LYPD6: variants seen among roughly 807,000 people sequenced by gnomAD.
The protein encoded by LYPD6 is LY6/PLAUR domain containing 6, also known as ly6/PLAUR domain-containing protein 6.
LYPD6 carries 15 observed loss-of-function variants against 22.7 expected under a neutral mutation model. That is an observed-to-expected ratio of 0.66 (90% CI 0.44 to 1.02). The LOEUF (loss-of-function observed/expected upper bound fraction) is 1.02, where lower values mean the gene tolerates loss of function less well. LYPD6 is among the 50% of genes least tolerant of loss of function. The pLI is 0.00. For missense variants in LYPD6, 189 were observed against 208.4 expected (o/e 0.91, Z 0.57); for synonymous variants, 72 against 77.5 (o/e 0.93, Z 0.37).
chr2:149,468,759 A>G lies in LYPD6; in HGVS notation c.332A>G (p.Glu111Gly). 1.2e-6 allele frequency: 2 copies of G among 1,613,530 alleles called. No homozygotes were observed. Among genetic ancestry groups the G allele is most frequent in the South Asian group, 1.1e-5 (1 of 91,076 alleles). ...ECLSTGCRDS[E>G]HEGHKVCTSC... ...TTATCCACTGGCTGCAGAGACTCCG[A>G]GCATGAAGGCCACAAGGTCTGGGCA... Residue 111 changes from glutamate to glycine, a missense_variant, in exon 4 of 5, where the codon GAG (glutamate) becomes GGG (glycine). Coordinates refer to ENST00000334166, the MANE Select transcript of LYPD6 (RefSeq NM_194317.5).
intron 1 of LYPD6, among the ~76,000 whole-genome samples, chr2:149,411,779 C>T (rs1350377690): frequency 6.6e-6 from 1 of 152,116 alleles, no homozygotes; most frequent in Admixed American, 6.5e-5. Context: ...AGTTTAAAAC[C>T]TCCCTCACTC....
chr2:149,333,688 C>T (rs1313940018), intron 1 of LYPD6, among the ~76,000 whole-genome samples: 4 of 152,156 alleles, frequency 2.6e-5, no homozygotes, highest in Admixed American at 1.3e-4. Flanking sequence ...TGAAGTTTAC[C>T]GTCTGGTGCC....
At chr2:149,364,130 A>C (rs1451427964) in intron 1 of LYPD6, among the ~76,000 whole-genome samples, 1 of 152,146 alleles carries the variant, frequency 6.6e-6, no homozygotes, top group Non-Finnish European at 1.5e-5. Context: ...GTGAACAGTT[A>C]ATCTCTTGAG....
chr2:149,448,494 C>T (rs1220815165), intron 2 of LYPD6, among the ~76,000 whole-genome samples: 1 of 152,102 alleles, frequency 6.6e-6, no homozygotes, highest in Non-Finnish European at 1.5e-5. Context: ...TTCAGTAACA[C>T]AAGGGTTCCT....
intron 2 of LYPD6, among the ~76,000 whole-genome samples, chr2:149,444,039 T>C (rs1043764420): frequency 6.7e-6 from 1 of 149,746 alleles, no homozygotes; most frequent in African/African-American, 2.5e-5. Flanking sequence ...GCTCAAGCGA[T>C]CCTCCCACCT....
At chr2:149,372,629 G>T (rs916349042) in intron 1 of LYPD6, among the ~76,000 whole-genome samples, 27 of 152,184 alleles carry the variant, frequency 1.8e-4, no homozygotes, top group Admixed American at 9.8e-4. Context: ...AGCATTCAAA[G>T]AATTTGGTTT....
chr2:149,402,242 G>T (rs970325120), intron 1 of LYPD6, among the ~76,000 whole-genome samples: 15 of 151,900 alleles, frequency 9.9e-5, no homozygotes, highest in Non-Finnish European at 1.9e-4. Context: ...GCGTGTGTGT[G>T]TGTGTGTGTG....
At chr2:149,347,410 G>T (rs1288759220) in intron 1 of LYPD6, among the ~76,000 whole-genome samples, 1 of 152,056 alleles carries the variant, frequency 6.6e-6, no homozygotes, top group East Asian at 1.9e-4. Flanking sequence ...CAGGGAACAG[G>T]CTCCTCATCT....
At chr2:149,475,005 G>A (rs1032197548), downstream of LYPD6, among the ~76,000 whole-genome samples, 2 of 152,098 alleles carry the variant, frequency 1.3e-5, no homozygotes, top group African/African-American at 2.4e-5. Context: ...CTGACCTCAC[G>A]ATCCACCCGC....
At chr2:149,458,405 C>T (rs750269701) in intron 3 of LYPD6, among the ~76,000 whole-genome samples, 4 of 152,112 alleles carry the variant, frequency 2.6e-5, no homozygotes, top group South Asian at 2.1e-4. Context: ...ATTGAGGCTA[C>T]AACACATCTC....
chr2:149,413,719 G>A (rs897186671), intron 1 of LYPD6, among the ~76,000 whole-genome samples: 51 of 152,164 alleles, frequency 3.4e-4, no homozygotes, highest in African/African-American at 1.2e-3. Flanking sequence ...GTTTTAAAGT[G>A]TTGGCCAGGG....
chr2:149,479,151 C>T, the LYPD6 span, among the ~76,000 whole-genome samples: 3 of 152,300 alleles, frequency 2.0e-5, no homozygotes, highest in Non-Finnish European at 2.9e-5. Context: ...AACTTCTCAG[C>T]TTCGTTCAAC....
chr2:149,471,781 C>G lies in LYPD6; in HGVS notation c.*931C>G, dbSNP rs995659285. On this transcript the variant is annotated 3_prime_UTR_variant, in exon 5 of 5. Transcript: ENST00000334166. ...GATTAGTCCTAGTTCATTCTGAGGG[C>G]CGACTAAGTGGCTCAGCCAGCTTCT... 6 of 152,594 alleles carry G rather than the reference C, an allele frequency of 3.9e-5. No homozygotes were observed. Among genetic ancestry groups the G allele is most frequent in the African/African-American group, 1.4e-4 (6 of 41,434 alleles). 9.5% of individuals were successfully genotyped at this position (152,594 alleles called of 1,614,324 possible).
chr2:149,349,928 G>A (rs1681327789), intron 1 of LYPD6, among the ~76,000 whole-genome samples: 2 of 151,820 alleles, frequency 1.3e-5, no homozygotes, highest in Non-Finnish European at 2.9e-5. Flanking sequence ...TAGAGAGATG[G>A]CAATTTCATT....
chr2:149,357,010 T>C (rs1403256032), intron 1 of LYPD6, among the ~76,000 whole-genome samples: 1 of 152,216 alleles, frequency 6.6e-6, no homozygotes, highest in Non-Finnish European at 1.5e-5. Context: ...TGGGATTCTT[T>C]GTATTTGCTT....
rs144491865 is a variant in LYPD6, at chr2:149,472,541, T to C, written c.*1691T>C. 8 of 152,776 alleles carry C rather than the reference T, an allele frequency of 5.2e-5. No homozygotes were observed. Among genetic ancestry groups the C allele is most frequent in the African/African-American group, 1.9e-4 (8 of 41,592 alleles). The allele number at this position is 152,776 out of a possible 1,614,324, so 9.5% of individuals were successfully genotyped here. ...AAATATGAACTGACAGCAGTAACTC[T>C]GATACAGAATAATCTAAATTGCATC... On this transcript the variant is annotated 3_prime_UTR_variant, in exon 5 of 5. Coordinates refer to ENST00000334166, the MANE Select transcript of LYPD6 (RefSeq NM_194317.5).
downstream of LYPD6, among the ~76,000 whole-genome samples, chr2:149,475,538 G>C (rs1220772556): frequency 6.6e-6 from 1 of 152,124 alleles, no homozygotes; most frequent in African/African-American, 2.4e-5. Flanking sequence ...CAGTTACTCT[G>C]TCTAGCTCTT....
intron 1 of LYPD6, among the ~76,000 whole-genome samples, chr2:149,377,160 G>GT (rs1192861927): frequency 6.6e-6 from 1 of 151,670 alleles, no homozygotes; most frequent in Non-Finnish European, 1.5e-5. Flanking sequence ...TAGGCAAGTG[G>GT]TTTTTTGTGG....
intron 1 of LYPD6, among the ~76,000 whole-genome samples, chr2:149,431,093 G>A (rs894326477): frequency 6.6e-6 from 1 of 152,078 alleles, no homozygotes; most frequent in African/African-American, 2.4e-5. Context: ...TCATGCAAAG[G>A]TAATTTAGAG....
Sources: allele counts gnomAD v4.1 joint callset (sites outside exome capture counted in the v4.1 genomes callset), GRCh38; gene constraint gnomAD v4.1.1; transcripts MANE v1.5; gene names NCBI Gene and HGNC (gene_info 2026-07-23, HGNC 2026-07-21).